PLEKHG1: variants seen among roughly 807,000 people sequenced by gnomAD.
PLEKHG1 encodes pleckstrin homology and RhoGEF domain containing G1.
A neutral mutation model predicts 100.8 loss-of-function variants in PLEKHG1; 44 were observed. The ratio of observed to expected loss-of-function variants is 0.44; its 90% CI spans 0.34 to 0.56. The LOEUF (loss-of-function observed/expected upper bound fraction) is 0.56. Among genes scored for constraint, PLEKHG1 ranks in the 20% least tolerant of loss-of-function variants. The probability of loss-of-function intolerance (pLI) is 0.01; values close to 1 mark genes in which losing one functional copy is unlikely to be tolerated. For missense variants in PLEKHG1, 1,545 were observed against 1,720.9 expected (o/e 0.90, Z 1.81); for synonymous variants, 640 against 662.5 (o/e 0.97, Z 0.52).
intron 1 of PLEKHG1, among the ~76,000 whole-genome samples, chr6:150,612,165 G>A (rs1776873489): frequency 6.7e-6 from 1 of 150,116 alleles, no homozygotes; most frequent in South Asian, 2.1e-4. Context: ...TGCTTGAATA[G>A]TTCTCAATCT....
intron 14 of PLEKHG1, among the ~76,000 whole-genome samples, chr6:150,824,719 G>A (rs906635258): frequency 1.7e-4 from 18 of 107,014 alleles, no homozygotes; most frequent in Admixed American, 1.1e-3. Context: ...TAGTAGAGAC[G>A]GGGGTTCACC....
chr6:150,619,052 A>C (rs1289869403), intron 1 of PLEKHG1, among the ~76,000 whole-genome samples: 1 of 152,202 alleles, frequency 6.6e-6, no homozygotes, highest in Non-Finnish European at 1.5e-5. Flanking sequence ...CACGCACTCC[A>C]GCCTGGGCAA....
intron 2 of PLEKHG1, among the ~76,000 whole-genome samples, chr6:150,751,003 C>T (rs909230649): frequency 7.9e-5 from 12 of 151,980 alleles, no homozygotes; most frequent in Non-Finnish European, 1.3e-4. Context: ...TTAGATCATC[C>T]GTGTACAATG....
Position 150,735,307 on chromosome 6 carries a change from A to G in PLEKHG1, c.411+1215A>G, listed in dbSNP as rs539971084. Among the ~76,000 whole-genome samples, 4 of 152,266 alleles carry G rather than the reference A, an allele frequency of 2.6e-5. No individual in the cohort carries two copies. In the East Asian group the frequency reaches 7.7e-4, roughly 29 times the overall value. ...GGCCTCAAGGGCAGATTTATATATT[A>G]TAAAGCTACACTTGCTTTGCTGCCT... On this transcript the variant is annotated intron_variant, in intron 2 of 15. Transcript: ENST00000358517.
At chr6:150,646,177 A>G (rs542832170) in intron 2 of PLEKHG1, among the ~76,000 whole-genome samples, 1 of 152,348 alleles carries the variant, frequency 6.6e-6, no homozygotes, top group African/African-American at 2.4e-5. Context: ...AATTTGTCAG[A>G]ATGGGGTTTC....
chr6:150,831,608 G>A lies in PLEKHG1; in HGVS notation c.2497G>A (p.Glu833Lys), dbSNP rs375340957. 1.1e-5 allele frequency: 17 copies of A among 1,613,900 alleles called. No individual in the cohort carries two copies. Among genetic ancestry groups the A allele is most frequent in the African/African-American group, 1.3e-5 (1 of 74,890 alleles). ...TAAGCCTGTATCTGATAAACTGTCCGAAGAAGTAGATGAAATCTGGAATGA... is the reference window on the plus strand; with the variant it reads ...TAAGCCTGTATCTGATAAACTGTCCAAAGAAGTAGATGAAATCTGGAATGA... Residue 833 changes from glutamate to lysine, a missense_variant, in exon 15 of 16, where the codon GAA (glutamate) becomes AAA (lysine). Glu to Lys is a moderately conservative substitution (Grantham distance 56). Transcript: ENST00000358517. The surrounding 1 kb of genome is among the most constrained non-coding windows in gnomAD (Gnocchi z 4.1).
chr6:150,736,567 G>A (rs988276830), intron 2 of PLEKHG1, among the ~76,000 whole-genome samples: 3 of 152,100 alleles, frequency 2.0e-5, no homozygotes, highest in South Asian at 2.1e-4. Context: ...TCGGGAGTTC[G>A]AGACCAGCCT....
At chr6:150,825,156 A>T (rs1390657183) in intron 14 of PLEKHG1, among the ~76,000 whole-genome samples, 7 of 152,188 alleles carry the variant, frequency 4.6e-5, no homozygotes, top group African/African-American at 1.7e-4. Context: ...GGCATAACCA[A>T]ACCTTATGAA....
At chr6:150,814,975 C>T (rs1320418941) in intron 10 of PLEKHG1, among the ~76,000 whole-genome samples, 1 of 152,106 alleles carries the variant, frequency 6.6e-6, no homozygotes, top group African/African-American at 2.4e-5. Flanking sequence ...CTGCCTCAGC[C>T]TCTCCCAAAG....
At chr6:150,699,003 G>A (rs1331203811) in intron 3 of PLEKHG1, among the ~76,000 whole-genome samples, 2 of 152,166 alleles carry the variant, frequency 1.3e-5, no homozygotes, top group South Asian at 2.1e-4. Flanking sequence ...GATGAAATTG[G>A]TGATCTTGTT....
intron 3 of PLEKHG1, among the ~76,000 whole-genome samples, chr6:150,674,682 TCCCC>T (rs71544395): frequency 9.6e-6 from 1 of 104,230 alleles, no homozygotes; most frequent in African/African-American, 3.5e-5. Context: ...TCTCTCTCTC[TCCCC>T]CCTCTTCTCT....
At position 150,673,922 on chromosome 6, in the gene PLEKHG1, C is replaced by T. The variant is rs528813819; in HGVS notation, c.-99+23136C>T. On this transcript the variant is annotated intron_variant, in intron 3 of 3. Transcript: ENST00000367326. ...TCAAGCATTCCACCCAACTTGGCCT[C>T]CCGAAGTGCTGCAATTATGGGCGTG... 5.8e-4 allele frequency among the ~76,000 whole-genome samples: 88 copies of T among 152,296 alleles called. 1 individual carries two copies. The highest frequency in any genetic ancestry group is 2.0e-3 in the African/African-American group (85 of 41,560).
intron 1 of PLEKHG1, among the ~76,000 whole-genome samples, chr6:150,724,615 A>C (rs1362365902): frequency 7.3e-6 from 1 of 137,188 alleles, no homozygotes; most frequent in Non-Finnish European, 1.5e-5. Flanking sequence ...GCTGGAGTGA[A>C]GTGGTGTGAT....
chr6:150,786,597 T>C (rs1399226142), intron 4 of PLEKHG1, 138 bp downstream of exon 5: 1 of 619,490 alleles, frequency 1.6e-6, no homozygotes, highest in African/African-American at 1.9e-5. Flanking sequence ...TTTGTTTGAG[T>C]AGCAAAAATG....
intron 3 of PLEKHG1, among the ~76,000 whole-genome samples, chr6:150,680,763 G>T (rs960623407): frequency 6.6e-6 from 1 of 152,232 alleles, no homozygotes; most frequent in Non-Finnish European, 1.5e-5. Flanking sequence ...TGTGTGCGGT[G>T]AAGCGGGGAA....
At chr6:150,827,619 A>G (rs1040894915) in intron 14 of PLEKHG1, 1 of 768,740 alleles carries the variant, frequency 1.3e-6, no homozygotes, top group Non-Finnish European at 2.4e-6. Flanking sequence ...TTAAAAAGAT[A>G]CTTCAGCGGC....
chr6:150,824,096 G>A (rs1168389281), intron 14 of PLEKHG1, among the ~76,000 whole-genome samples: 1 of 152,202 alleles, frequency 6.6e-6, no homozygotes, highest in South Asian at 2.1e-4. Flanking sequence ...AGGGCGAGGG[G>A]CCCCCTTCTA....
At chr6:150,808,820 T>C (rs1031858982) in intron 7 of PLEKHG1, among the ~76,000 whole-genome samples, 2 of 151,954 alleles carry the variant, frequency 1.3e-5, no homozygotes, top group Non-Finnish European at 2.9e-5. Context: ...GACCTGGCTT[T>C]GGAACGATGT....
At chr6:150,632,321 G>A (rs1367682224) in intron 1 of PLEKHG1, among the ~76,000 whole-genome samples, 1 of 152,248 alleles carries the variant, frequency 6.6e-6, no homozygotes, top group East Asian at 1.9e-4. Context: ...ACAGTAGGGA[G>A]TTGTGATTTT....
Sources: allele counts gnomAD v4.1 joint callset (sites outside exome capture counted in the v4.1 genomes callset), GRCh38; gene constraint gnomAD v4.1.1; non-coding constraint Gnocchi (gnomAD v3.1); transcripts MANE v1.5; gene names NCBI Gene and HGNC (gene_info 2026-07-23, HGNC 2026-07-21).